The following CPED1 variants were observed in gnomAD, a reference collection of about 807,000 sequenced individuals.
CPED1 encodes the protein cadherin like and PC-esterase domain containing 1, also known as cadherin-like and PC-esterase domain-containing protein 1.
CPED1 carries 114 observed loss-of-function variants against 128.2 expected under a neutral mutation model. The observed-to-expected ratio is 0.89, with a 90% CI of 0.76 to 1.04. The LOEUF (loss-of-function observed/expected upper bound fraction) is 1.04, where lower values mean the gene tolerates loss of function less well. Among genes scored for constraint, CPED1 ranks in the 50% least tolerant of loss-of-function variants. CPED1 has a pLI of 0.00. For missense variants in CPED1, 1,211 were observed against 1,207.1 expected, an observed-to-expected ratio of 1.00 and a Z score of -0.05; for synonymous variants, 462 against 426.7, an observed-to-expected ratio of 1.08 and a Z score of -1.02.
At chr7:121,050,000 A>T (rs1430329118) in intron 4 of CPED1, among the ~76,000 whole-genome samples, 3 of 152,194 alleles carry the variant, frequency 2.0e-5, no homozygotes, top group Non-Finnish European at 2.9e-5. Flanking sequence ...AGAAACCTTG[A>T]TGTGTTCCCT....
At chr7:121,241,704 T>C (rs1257858224) in intron 17 of CPED1, among the ~76,000 whole-genome samples, 5 of 152,120 alleles carry the variant, frequency 3.3e-5, no homozygotes. Context: ...CATGGACCCT[T>C]CCAGAAAACT....
intron 5 of CPED1, among the ~76,000 whole-genome samples, chr7:121,082,434 A>C (rs1386469932): frequency 6.6e-6 from 1 of 152,150 alleles, no homozygotes; most frequent in East Asian, 1.9e-4. Context: ...AAGTAAGTAC[A>C]ATTAAGAGGT....
intron 5 of CPED1, among the ~76,000 whole-genome samples, chr7:121,069,634 C>T (rs1226390576): frequency 1.3e-5 from 2 of 152,030 alleles, no homozygotes; most frequent in African/African-American, 4.8e-5. Context: ...TTTTTACTGG[C>T]TAGCACAAAG....
intron 14 of CPED1, among the ~76,000 whole-genome samples, chr7:121,136,546 CAT>C: frequency 6.6e-6 from 1 of 152,170 alleles, no homozygotes; most frequent in East Asian, 1.9e-4. Flanking sequence ...TTAACCAAGA[CAT>C]AATACGAGAA....
intron 3 of CPED1, among the ~76,000 whole-genome samples, chr7:121,024,511 T>C (rs960605168): frequency 1.3e-5 from 2 of 152,174 alleles, no homozygotes; most frequent in Non-Finnish European, 2.9e-5. Flanking sequence ...TTTTTAAGTT[T>C]CATAGAAACC....
chr7:121,105,050 C>A (rs774903433), intron 7 of CPED1, among the ~76,000 whole-genome samples: 1 of 152,008 alleles, frequency 6.6e-6, no homozygotes, highest in African/African-American at 2.4e-5. Flanking sequence ...TCTCTACCAC[C>A]GCTGCACTGG....
intron 16 of CPED1, among the ~76,000 whole-genome samples, chr7:121,151,711 A>G (rs1428472413): frequency 2.0e-5 from 3 of 152,218 alleles, no homozygotes; most frequent in Admixed American, 1.3e-4. Flanking sequence ...ACCCAGAGAA[A>G]TTGAACAGTA....
chr7:121,193,434 A>G (rs1477303717), intron 16 of CPED1, among the ~76,000 whole-genome samples: 1 of 152,148 alleles, frequency 6.6e-6, no homozygotes, highest in East Asian at 1.9e-4. Flanking sequence ...TGGTAGATAT[A>G]AAAGTTTTGC....
intron 22 of CPED1, among the ~76,000 whole-genome samples, chr7:121,294,147 T>G (rs1584660805): frequency 6.6e-6 from 1 of 152,312 alleles, no homozygotes; most frequent in African/African-American, 2.4e-5. Context: ...GATAATTATA[T>G]GATTTCACTA....
intron 7 of CPED1, among the ~76,000 whole-genome samples, chr7:121,113,307 C>T (rs2037631): frequency 0.41 from 62,376 of 151,932 alleles, 14,819 homozygotes; most frequent in East Asian, 0.84. Flanking sequence ...CTCAAAGAAC[C>T]CTCCAGTGGG....
chr7:121,086,097 A>T (rs562965120), intron 5 of CPED1, among the ~76,000 whole-genome samples: 2 of 152,194 alleles, frequency 1.3e-5, no homozygotes, highest in Non-Finnish European at 2.9e-5. Context: ...TGTCTTCTTC[A>T]GTTCAGTATT....
At chr7:121,105,759 A>G (rs1040489502) in intron 7 of CPED1, among the ~76,000 whole-genome samples, 1 of 152,162 alleles carries the variant, frequency 6.6e-6, no homozygotes, top group Admixed American at 6.6e-5. Context: ...GTTAGATTGC[A>G]CTAATACTCT....
chr7:121,124,494 T>A (rs534136212), intron 8 of CPED1, 21 bp downstream of exon 8: 166 of 1,184,812 alleles, frequency 1.4e-4, no homozygotes, highest in African/African-American at 6.6e-4. Context: ...AATTTTAATT[T>A]AAAAAAAAAA....
At chr7:121,087,834 T>A (rs960066936) in intron 5 of CPED1, among the ~76,000 whole-genome samples, 2 of 151,708 alleles carry the variant, frequency 1.3e-5, no homozygotes, top group Admixed American at 6.6e-5. Flanking sequence ...TAATGTTTTT[T>A]AATTTTTAGT....
chr7:121,129,335 A>C (rs915940636), intron 11 of CPED1, among the ~76,000 whole-genome samples: 1 of 125,378 alleles, frequency 8.0e-6, no homozygotes, highest in African/African-American at 3.0e-5. Context: ...ATATATATAT[A>C]CGTATATATA....
intron 5 of CPED1, among the ~76,000 whole-genome samples, chr7:121,070,735 C>T (rs141922125): frequency 4.0e-4 from 61 of 152,244 alleles, no homozygotes; most frequent in Non-Finnish European, 1.5e-4. Context: ...TCTACCATGA[C>T]CAGCCTAGTC....
At chr7:121,214,375 C>T (rs1009234731) in intron 16 of CPED1, among the ~76,000 whole-genome samples, 11 of 152,030 alleles carry the variant, frequency 7.2e-5, no homozygotes, top group African/African-American at 2.4e-4. Flanking sequence ...TTACTGCAAC[C>T]TCCGCCTCAC....
intron 5 of CPED1, among the ~76,000 whole-genome samples, chr7:121,091,443 T>C (rs749831710): frequency 6.6e-6 from 1 of 152,210 alleles, no homozygotes; most frequent in Non-Finnish European, 1.5e-5. Context: ...GAGGATTCAG[T>C]GGATTCACTT....
At chr7:121,060,770 C>T (rs1453504467) in intron 4 of CPED1, among the ~76,000 whole-genome samples, 19 of 152,198 alleles carry the variant, frequency 1.2e-4, no homozygotes, top group Admixed American at 2.0e-4. Context: ...CTGTCCCAGC[C>T]AGCAGTGGCA....
Sources: allele counts gnomAD v4.1 joint callset (sites outside exome capture counted in the v4.1 genomes callset), GRCh38; gene constraint gnomAD v4.1.1; transcripts MANE v1.5; gene names NCBI Gene and HGNC (gene_info 2026-07-23, HGNC 2026-07-21).